The following ITPR2 variants were observed in gnomAD, a reference collection of about 807,000 sequenced individuals.
The protein encoded by ITPR2 is inositol 1,4,5-trisphosphate receptor type 2, also known as inositol 1,4,5-trisphosphate-gated calcium channel ITPR2.
In ITPR2, 207 loss-of-function variants were observed where a neutral mutation model predicts 317.1. The observed-to-expected ratio is 0.65, with a 90% CI of 0.58 to 0.73. The LOEUF (loss-of-function observed/expected upper bound fraction) is 0.73, where lower values mean the gene tolerates loss of function less well. Ranked by LOEUF, ITPR2 falls within the 30% of genes least tolerant of loss-of-function variation. The pLI, the probability that ITPR2 is intolerant of heterozygous loss-of-function variation, is 0.00. For synonymous variants in ITPR2, 1,156 were observed against 1,149.1 expected (o/e 1.01, Z -0.12); for missense variants, 2,613 against 3,284.0 (o/e 0.80, Z 4.99).
intron 13 of ITPR2, among the ~76,000 whole-genome samples, chr12:26,673,199 C>T (rs1004405423): frequency 1.3e-5 from 2 of 152,222 alleles, no homozygotes; most frequent in East Asian, 1.9e-4. Flanking sequence ...TTTTATGAGG[C>T]CAGCATCATC....
At chr12:26,759,006 GC>G (rs1159715118) in intron 2 of ITPR2, among the ~76,000 whole-genome samples, 2 of 152,220 alleles carry the variant, frequency 1.3e-5, no homozygotes, top group East Asian at 3.9e-4. Context: ...TGGTCCATTT[GC>G]ACCAGGAAAG....
chr12:26,488,731 T>C (rs1942730238), intron 39 of ITPR2, among the ~76,000 whole-genome samples: 1 of 152,222 alleles, frequency 6.6e-6, no homozygotes. Context: ...ATCTTTTCAA[T>C]ATAATGGGGT....
chr12:26,744,679 C>G (rs1290292761), intron 2 of ITPR2, among the ~76,000 whole-genome samples: 2 of 152,140 alleles, frequency 1.3e-5, no homozygotes, highest in African/African-American at 4.8e-5. Flanking sequence ...ACCTTTGGTA[C>G]AATTTGAATT....
At chr12:26,390,820 AAAAC>A (rs1202011392) in intron 54 of ITPR2, among the ~76,000 whole-genome samples, 6 of 151,516 alleles carry the variant, frequency 4.0e-5, no homozygotes, top group Admixed American at 3.9e-4. Context: ...CAAACTAAAC[AAAAC>A]AAACAAAAGA....
At chr12:26,681,574 G>A (rs114886113) in intron 13 of ITPR2, among the ~76,000 whole-genome samples, 24 of 152,066 alleles carry the variant, frequency 1.6e-4, no homozygotes, top group African/African-American at 5.1e-4. Flanking sequence ...CAAATCATGC[G>A]CAGCAAAAGG....
chr12:26,575,563 C>T (rs983947359), intron 34 of ITPR2, among the ~76,000 whole-genome samples: 1 of 152,074 alleles, frequency 6.6e-6, no homozygotes, highest in African/African-American at 2.4e-5. Flanking sequence ...AAACCTCACT[C>T]TTCACCTATC....
chr12:26,486,399 T>C lies in ITPR2; in HGVS notation c.5555-39A>G, dbSNP rs202039835. ...AGTACTTTTATATTTCTGAACCAAT[T>C]TGCTTTTACTAATTAAAAAAAAAAA... On this transcript the variant is annotated intron_variant, in intron 40 of 56. Transcript: ENST00000381340. The C allele has an allele frequency of 5.2e-5, 77 of 1,481,878 alleles. No individual in the cohort carries two copies. In the African/African-American group the frequency reaches 1.0e-3, roughly 20 times the overall value. The allele number at this position is 1,481,878 out of a possible 1,614,324, so 91.8% of individuals were successfully genotyped here.
intron 2 of ITPR2, among the ~76,000 whole-genome samples, chr12:26,756,572 T>C (rs1274319387): frequency 6.6e-6 from 1 of 152,220 alleles, no homozygotes; most frequent in Non-Finnish European, 1.5e-5. Context: ...CACTTATTAA[T>C]CTTCCAGATA....
At chr12:26,772,836 A>G (rs1420740215) in intron 2 of ITPR2, among the ~76,000 whole-genome samples, 3 of 151,172 alleles carry the variant, frequency 2.0e-5, no homozygotes, top group Non-Finnish European at 4.4e-5. Context: ...TGCTGCGCCT[A>G]TTGACCCATC....
intron 15 of ITPR2, 28 bp from the exon 16 acceptor site, chr12:26,659,313 C>T (rs1947443806): frequency 2.5e-6 from 4 of 1,583,802 alleles, no homozygotes; most frequent in Non-Finnish European, 3.5e-6. Context: ...TGTCAGAATG[C>T]ACTGCCAAAC....
intron 21 of ITPR2, among the ~76,000 whole-genome samples, chr12:26,650,306 T>C (rs1377522609): frequency 1.3e-5 from 2 of 152,160 alleles, no homozygotes; most frequent in African/African-American, 4.8e-5. Flanking sequence ...AAGGGTTGAA[T>C]ATGCAGAGCA....
chr12:26,657,794 T>C lies in ITPR2; in HGVS notation c.2105A>G (p.Lys702Arg). 2 of 1,614,202 alleles carry C rather than the reference T, an allele frequency of 1.2e-6. No individual in the cohort carries two copies. The highest frequency in any genetic ancestry group is 3.3e-4 in the Middle Eastern group (2 of 6,062). The change falls in exon 18 of 57, where the codon AAG (lysine) becomes AGG (arginine). Residue 702 changes from lysine (K) to arginine (R), a missense_variant. Around this residue, in one of 9 missense-constraint regions of ITPR2, gnomAD observed 817 missense variants for 897.6 expected, o/e 0.91. Coordinates refer to ENST00000381340, the MANE Select transcript of ITPR2 (RefSeq NM_002223.4). ...CCTGATAGCTTTGCCATGAGGTTCC[T>C]TGTTGCTGTCAATCCAATAGAGCCA... The part of the protein sequence containing the change: ...EVWLYWIDSN[K>R]EPHGKAIRHL...
intron 2 of ITPR2, among the ~76,000 whole-genome samples, chr12:26,779,738 C>A (rs1592121040): frequency 6.6e-6 from 1 of 152,188 alleles, no homozygotes; most frequent in African/African-American, 2.4e-5. Flanking sequence ...TCCCAGGGGG[C>A]AGAACTTCAA....
intron 4 of ITPR2, among the ~76,000 whole-genome samples, chr12:26,722,763 T>A (rs1256609658): frequency 6.6e-6 from 1 of 152,048 alleles, no homozygotes; most frequent in Non-Finnish European, 1.5e-5. Context: ...TTCTGCTTCA[T>A]AATGAAGTCG....
At chr12:26,694,997 C>CTATG (rs1404598364) in intron 10 of ITPR2, among the ~76,000 whole-genome samples, 1 of 152,114 alleles carries the variant, frequency 6.6e-6, no homozygotes, top group Non-Finnish European at 1.5e-5. Flanking sequence ...AATCCTAAAG[C>CTATG]TATGTATCAA....
At chr12:26,379,000 G>A (rs558403056) in intron 55 of ITPR2, among the ~76,000 whole-genome samples, 1 of 152,308 alleles carries the variant, frequency 6.6e-6, no homozygotes, top group East Asian at 1.9e-4. Flanking sequence ...GCTGCCGAGA[G>A]GGTTGGGTAC....
intron 1 of ITPR2, among the ~76,000 whole-genome samples, chr12:26,818,642 A>G (rs956481873): frequency 2.6e-5 from 4 of 152,216 alleles, no homozygotes; most frequent in Non-Finnish European, 5.9e-5. Flanking sequence ...TTAAAAGGTC[A>G]CTTAATATTT....
rs369827338 is a variant in ITPR2, at chr12:26,548,670, T to C, written c.5073+1577A>G. 1.1e-4 allele frequency among the ~76,000 whole-genome samples: 17 copies of C among 152,272 alleles called. 1 individual carries two copies. Among genetic ancestry groups the C allele is most frequent in the African/African-American group, 4.1e-4 (17 of 41,558 alleles). ...AGGGCTATGTGCTGGGGGTGTCCTTTACATCACATCTTGCATAAATGGGGA... is the reference window on the plus strand; with the variant it reads ...AGGGCTATGTGCTGGGGGTGTCCTTCACATCACATCTTGCATAAATGGGGA... On this transcript the variant is annotated intron_variant, in intron 37 of 56. Transcript: ENST00000381340.
intron 2 of ITPR2, among the ~76,000 whole-genome samples, chr12:26,789,469 TA>T (rs1423278582): frequency 1.3e-5 from 2 of 152,242 alleles, no homozygotes; most frequent in East Asian, 3.8e-4. Flanking sequence ...TGAATGGTTA[TA>T]CATTGTTCAA....
Sources: allele counts gnomAD v4.1 joint callset (sites outside exome capture counted in the v4.1 genomes callset), GRCh38; gene constraint gnomAD v4.1.1; regional missense constraint gnomAD v4.1.1; transcripts MANE v1.5; gene names NCBI Gene and HGNC (gene_info 2026-07-23, HGNC 2026-07-21).